The following UNC80 variants were observed in gnomAD, a reference collection of about 807,000 sequenced individuals.
The protein encoded by UNC80 is protein unc-80 homolog.
UNC80 carries 164 observed loss-of-function variants against 384.6 expected under a neutral mutation model. The ratio of observed to expected loss-of-function variants is 0.43; its 90% CI spans 0.38 to 0.49. The LOEUF (loss-of-function observed/expected upper bound fraction) is 0.49, where lower values mean the gene tolerates loss of function less well. UNC80 is among the 20% of genes least tolerant of loss of function. UNC80 has a pLI of 0.00. For synonymous variants in UNC80, 1,486 were observed against 1,527.8 expected (o/e 0.97, Z 0.64); for missense variants, 3,330 against 4,143.0 (o/e 0.80, Z 5.39).
At chr2:209,856,512 A>T (rs190734460) in intron 22 of UNC80, among the ~76,000 whole-genome samples, 9 of 152,178 alleles carry the variant, frequency 5.9e-5, no homozygotes, top group African/African-American at 2.2e-4. Flanking sequence ...GGTAGCAAAG[A>T]CATTCTTATA....
chr2:209,937,054 T>A (rs1575076506), intron 41 of UNC80, 121 bp downstream of exon 41: 4 of 650,638 alleles, frequency 6.1e-6, no homozygotes, highest in Non-Finnish European at 1.1e-5. Flanking sequence ...GCCACCTGGG[T>A]CACACCATCT....
At chr2:209,874,591 T>C (rs1252684938) in intron 23 of UNC80, among the ~76,000 whole-genome samples, 1 of 152,224 alleles carries the variant, frequency 6.6e-6, no homozygotes, top group Non-Finnish European at 1.5e-5. Context: ...AGAGTTTCCT[T>C]GCACCTCTGT....
intron 24 of UNC80, among the ~76,000 whole-genome samples, chr2:209,879,909 T>A (rs553703627): frequency 1.3e-5 from 2 of 152,194 alleles, no homozygotes; most frequent in African/African-American, 4.8e-5. Flanking sequence ...AGACCGTAAT[T>A]TCCACCTATT....
chr2:209,958,769 G>A (rs1220239745), intron 49 of UNC80, among the ~76,000 whole-genome samples: 1 of 152,130 alleles, frequency 6.6e-6, no homozygotes, highest in Non-Finnish European at 1.5e-5. Context: ...TCTCCTTCCT[G>A]TCACTTAAGA....
chr2:209,772,870 G>C (rs1051153891), intron 1 of UNC80, among the ~76,000 whole-genome samples: 10 of 151,946 alleles, frequency 6.6e-5, no homozygotes, highest in African/African-American at 2.4e-4. Flanking sequence ...ATTAAGAGTG[G>C]ATACCGAAAA....
At chr2:209,965,557 A>G (rs993239785) in intron 51 of UNC80, among the ~76,000 whole-genome samples, 2 of 151,108 alleles carry the variant, frequency 1.3e-5, no homozygotes, top group African/African-American at 4.9e-5. Flanking sequence ...AGTAGTTGGG[A>G]TTACGGGTGC....
chr2:209,932,382 T>C (rs2090945305), intron 38 of UNC80, among the ~76,000 whole-genome samples: 2 of 152,178 alleles, frequency 1.3e-5, no homozygotes, highest in Non-Finnish European at 2.9e-5. Flanking sequence ...AAGCCAAATG[T>C]CAGGGCCTCC....
chr2:209,982,378 T>C, intron 60 of UNC80, 61 bp downstream of exon 60: 1 of 1,469,426 alleles, frequency 6.8e-7, no homozygotes, highest in Non-Finnish European at 9.1e-7. Context: ...ATTCTGAAAA[T>C]ACACTCCTGT....
intron 61 of UNC80, among the ~76,000 whole-genome samples, chr2:209,985,550 G>T (rs914972476): frequency 1.3e-5 from 2 of 152,168 alleles, no homozygotes; most frequent in African/African-American, 4.8e-5. Context: ...ACAGTTCTTG[G>T]TAAGTAAGAG....
In UNC80 at chr2:209,995,340, C is replaced by T; in HGVS notation, c.9720C>T (p.Phe3240=). Residue 3240 remains phenylalanine, a synonymous_variant, in exon 65 of 65, where the codon TTC becomes TTT. Coordinates refer to ENST00000673920, the MANE Select transcript of UNC80 (RefSeq NM_001371986.1). ...CCTTTTGATCACAGAGTGAGAACTT[C>T]CCCACTGAAGAAGGAGAAAAGGAGG... ...HSVSPKQSEN[F]PTEEGEKEED... is the part of the protein sequence containing the mutation. The T allele has an allele frequency of 1.3e-6, 2 of 1,552,158 alleles. No individual in the cohort carries two copies. The highest frequency in any genetic ancestry group is 1.7e-6 in the Non-Finnish European group (2 of 1,147,060).
chr2:209,838,334 G>T (rs1367665056), intron 18 of UNC80, among the ~76,000 whole-genome samples: 1 of 148,860 alleles, frequency 6.7e-6, no homozygotes, highest in Non-Finnish European at 1.5e-5. Context: ...TCTTACTTCA[G>T]CTGCCTATGT....
At chr2:209,960,015 C>T (rs2092540763) in intron 51 of UNC80, among the ~76,000 whole-genome samples, 2 of 152,128 alleles carry the variant, frequency 1.3e-5, no homozygotes, top group South Asian at 2.1e-4. Flanking sequence ...GAAAAGTAGC[C>T]TTCTTCTCAC....
chr2:209,866,604 A>G (rs1041578499), intron 22 of UNC80, among the ~76,000 whole-genome samples: 14 of 151,932 alleles, frequency 9.2e-5, no homozygotes, highest in Admixed American at 7.2e-4. Context: ...TTGCAGTTGG[A>G]AAAACCTGAT....
chr2:209,926,538 A>T lies in UNC80; in HGVS notation c.5663-305A>T, dbSNP rs62201598. On this transcript the variant is annotated intron_variant, in intron 35 of 64. Transcript: ENST00000673920. ...ATGCCTGTAATTTCAGCACTTTGGG[A>T]GGTGGAGGTGGGAGGATTGCTTGAG... Among the ~76,000 whole-genome samples, 677 of 152,228 alleles carry T rather than the reference A, an allele frequency of 4.4e-3. 4 individuals are homozygous for T. Among genetic ancestry groups the T allele is most frequent in the Non-Finnish European group, 5.7e-3 (387 of 68,006 alleles).
intron 61 of UNC80, 106 bp downstream of exon 61, chr2:209,985,018 A>G (rs994980999): frequency 9.1e-6 from 9 of 988,974 alleles, no homozygotes; most frequent in South Asian, 1.8e-5. Context: ...CCCCGTCTTA[A>G]TATCTATTTC....
intron 27 of UNC80, among the ~76,000 whole-genome samples, chr2:209,895,432 C>T (rs2086711908): frequency 6.6e-6 from 1 of 152,166 alleles, no homozygotes; most frequent in South Asian, 2.1e-4. Flanking sequence ...TATCCACCCA[C>T]CCTCGCCTTT....
chr2:209,968,398 T>C (rs1396437574), intron 52 of UNC80: 1 of 152,158 alleles, frequency 6.6e-6, no homozygotes, highest in East Asian at 1.9e-4. Flanking sequence ...CAAAAATCAG[T>C]GTGACTCCTT....
At chr2:209,819,830 A>C (rs765821481) in intron 12 of UNC80, among the ~76,000 whole-genome samples, 2 of 152,236 alleles carry the variant, frequency 1.3e-5, no homozygotes, top group Non-Finnish European at 2.9e-5. Flanking sequence ...AACATAATTT[A>C]AACATGCAAA....
At chr2:209,986,335 C>G (rs1031125112) in intron 61 of UNC80, among the ~76,000 whole-genome samples, 1 of 152,130 alleles carries the variant, frequency 6.6e-6, no homozygotes, top group African/African-American at 2.4e-5. Context: ...TCTAATTAGG[C>G]CAAATTCTAC....
Sources: allele counts gnomAD v4.1 joint callset (sites outside exome capture counted in the v4.1 genomes callset), GRCh38; gene constraint gnomAD v4.1.1; transcripts MANE v1.5; gene names NCBI Gene and HGNC (gene_info 2026-07-23, HGNC 2026-07-21).